Variants in PEX14 observed in about 807,000 individuals in gnomAD.
The protein encoded by PEX14 is peroxisomal membrane protein PEX14.
PEX14 carries 15 observed loss-of-function variants against 49.5 expected under a neutral mutation model. The observed-to-expected ratio is 0.30, with a 90% CI of 0.20 to 0.47. The LOEUF (loss-of-function observed/expected upper bound fraction) is 0.47, where lower values mean the gene tolerates loss of function less well. PEX14 is among the 20% of genes least tolerant of loss of function. The pLI is 1.00. For synonymous variants in PEX14, 210 were observed against 212.7 expected, an observed-to-expected ratio of 0.99 and a Z score of 0.11; for missense variants, 398 against 494.8, an observed-to-expected ratio of 0.80 and a Z score of 1.86.
At chr1:10,601,846 T>C (rs988143669) in intron 4 of PEX14, among the ~76,000 whole-genome samples, 2 of 152,234 alleles carry the variant, frequency 1.3e-5, no homozygotes, top group South Asian at 4.1e-4. Context: ...CCCAGCCGTG[T>C]AATGGGATTT....
intron 2 of PEX14, among the ~76,000 whole-genome samples, chr1:10,507,729 A>T (rs990887518): frequency 6.6e-6 from 1 of 152,170 alleles, no homozygotes; most frequent in Non-Finnish European, 1.5e-5. Flanking sequence ...GTCTCCAGGG[A>T]GTCACTGGAA....
chr1:10,570,061 A>G (rs1023155267), intron 3 of PEX14, among the ~76,000 whole-genome samples: 1 of 152,042 alleles, frequency 6.6e-6, no homozygotes, highest in Non-Finnish European at 1.5e-5. Context: ...TTAAGAAAAT[A>G]TATTTTCTTT....
In PEX14 at chr1:10,483,266, C is replaced by T. The variant is rs1372861051; in HGVS notation, c.36+8264C>T. On this transcript the variant is annotated intron_variant, in intron 1 of 8. Coordinates refer to ENST00000356607, the MANE Select transcript of PEX14 (RefSeq NM_004565.3). ...GACCTCCTGGGCTCAAGTGATCCTCCTGCCTTGGCCTCCCAAAGTGCTAGG... is the reference window on the plus strand; with the variant it reads ...GACCTCCTGGGCTCAAGTGATCCTCTTGCCTTGGCCTCCCAAAGTGCTAGG... 2.6e-5 allele frequency among the ~76,000 whole-genome samples: 4 copies of T among 152,310 alleles called. No homozygotes were observed. The South Asian group carries it at 8.3e-4, about 32-fold the overall frequency.
chr1:10,559,246 A>G (rs544746999), intron 3 of PEX14, among the ~76,000 whole-genome samples: 1 of 152,296 alleles, frequency 6.6e-6, no homozygotes, highest in South Asian at 2.1e-4. Flanking sequence ...GCATTAATTT[A>G]GAGATGAAGA....
intron 5 of PEX14, among the ~76,000 whole-genome samples, chr1:10,622,545 T>A (rs1308367239): frequency 6.6e-6 from 1 of 152,230 alleles, no homozygotes; most frequent in African/African-American, 2.4e-5. Context: ...TGTTTCTGAA[T>A]AGGTGATTCA....
At chr1:10,545,482 G>A (rs1460547113) in intron 3 of PEX14, among the ~76,000 whole-genome samples, 2 of 152,212 alleles carry the variant, frequency 1.3e-5, no homozygotes, top group Non-Finnish European at 1.5e-5. Flanking sequence ...TGAGCCTGGA[G>A]AATAGGAAGA....
intron 3 of PEX14, among the ~76,000 whole-genome samples, chr1:10,594,557 T>G (rs1276020093): frequency 6.6e-6 from 1 of 152,246 alleles, no homozygotes; most frequent in Non-Finnish European, 1.5e-5. Flanking sequence ...ATTACCTTGC[T>G]TATTTTCAAA....
chr1:10,580,495 G>A (rs1038105508), intron 3 of PEX14, among the ~76,000 whole-genome samples: 3 of 152,092 alleles, frequency 2.0e-5, no homozygotes, highest in South Asian at 2.1e-4. Context: ...AAAGTGTTGG[G>A]GTTACAGGCG....
At chr1:10,591,533 A>G (rs999680177) in intron 3 of PEX14, among the ~76,000 whole-genome samples, 13 of 152,164 alleles carry the variant, frequency 8.5e-5, no homozygotes, top group Non-Finnish European at 1.6e-4. Context: ...TCATAAGGCT[A>G]GGCAGTGAAA....
intron 2 of PEX14, among the ~76,000 whole-genome samples, chr1:10,519,648 G>A (rs528330769): frequency 1.3e-5 from 2 of 152,292 alleles, no homozygotes; most frequent in African/African-American, 4.8e-5. Context: ...TTCAGCCTTG[G>A]CATTAAATAT....
At chr1:10,488,107 T>A (rs994029675) in intron 1 of PEX14, among the ~76,000 whole-genome samples, 7 of 152,172 alleles carry the variant, frequency 4.6e-5, no homozygotes, top group Admixed American at 1.3e-4. Context: ...TACATATTTT[T>A]AAATTATATA....
intron 2 of PEX14, among the ~76,000 whole-genome samples, chr1:10,519,839 C>T (rs550336894): frequency 6.6e-6 from 1 of 151,958 alleles, no homozygotes; most frequent in South Asian, 2.1e-4. Context: ...GTGCAGTGTG[C>T]AAACACGGCT....
At chr1:10,584,880 C>T (rs1185682685) in intron 3 of PEX14, among the ~76,000 whole-genome samples, 5 of 152,086 alleles carry the variant, frequency 3.3e-5, no homozygotes, top group Admixed American at 2.0e-4. Flanking sequence ...CACATATCAA[C>T]GAATATTGAC....
chr1:10,629,201 G>A lies in PEX14; in HGVS notation c.678-330G>A, dbSNP rs188878882. Among the ~76,000 whole-genome samples the A allele has an allele frequency of 3.3e-4, 50 of 152,364 alleles. No homozygotes were observed. The East Asian group carries it at 9.5e-3, about 29-fold the overall frequency. On this transcript the variant is annotated intron_variant, in intron 8 of 8. Coordinates refer to ENST00000356607, the MANE Select transcript of PEX14 (RefSeq NM_004565.3). The surrounding 1 kb of genome is among the most constrained non-coding windows in gnomAD (Gnocchi z 8.5). ...CTGGGTTGGAGGCAGGGATGGTGCT[G>A]AGGATCAGAAGGAAGCAGGCTCCCG...
chr1:10,612,372 C>G (rs488854), intron 4 of PEX14, among the ~76,000 whole-genome samples: 32,332 of 151,784 alleles, frequency 0.21, 4,495 homozygotes, highest in African/African-American at 0.4. Flanking sequence ...AATCTATGGA[C>G]AGGGGATATA....
chr1:10,622,590 C>A (rs1283418539), intron 5 of PEX14, among the ~76,000 whole-genome samples: 1 of 152,198 alleles, frequency 6.6e-6, no homozygotes, highest in Non-Finnish European at 1.5e-5. Context: ...TTCAGGAGAA[C>A]ATGCCGGGAA....
At chr1:10,586,458 A>C (rs1166463485) in intron 3 of PEX14, among the ~76,000 whole-genome samples, 1 of 152,118 alleles carries the variant, frequency 6.6e-6, no homozygotes, top group East Asian at 1.9e-4. Context: ...TTCCCCTAAA[A>C]AAATACATAT....
intron 4 of PEX14, among the ~76,000 whole-genome samples, chr1:10,604,077 G>T (rs1301917895): frequency 1.3e-5 from 2 of 152,188 alleles, no homozygotes; most frequent in African/African-American, 4.8e-5. Context: ...AGACCCCTGG[G>T]CTAAAGAGAC....
At chr1:10,621,342 CTTTTTTT>C (rs930417764) in intron 5 of PEX14, among the ~76,000 whole-genome samples, 4 of 108,006 alleles carry the variant, frequency 3.7e-5, no homozygotes, top group South Asian at 3.0e-4. Context: ...TATATGAATT[CTTTTTTT>C]TTTTTTTTTT....
Sources: gnomAD v4.1 joint callset for allele counts (sites outside exome capture counted in the v4.1 genomes callset) on GRCh38, gnomAD v4.1.1 for gene constraint, Gnocchi (gnomAD v3.1) non-coding constraint, MANE v1.5 for transcripts, NCBI Gene and HGNC (gene_info 2026-07-23, HGNC 2026-07-21) for gene names.